ZBTB7C: variants seen among roughly 807,000 people sequenced by gnomAD.
ZBTB7C encodes the protein zinc finger and BTB domain-containing protein 7C.
Under a neutral mutation model 25.7 loss-of-function variants are expected in ZBTB7C, and 8 were observed. That is an observed-to-expected ratio of 0.31 (90% CI 0.18 to 0.56). The LOEUF (loss-of-function observed/expected upper bound fraction) is 0.56, where lower values mean the gene tolerates loss of function less well. Among genes scored for constraint, ZBTB7C ranks in the 20% least tolerant of loss-of-function variants. ZBTB7C has a pLI of 0.91. For synonymous variants in ZBTB7C, 394 were observed against 369.0 expected, an observed-to-expected ratio of 1.07 and a Z score of -0.78; for missense variants, 824 against 855.2, an observed-to-expected ratio of 0.96 and a Z score of 0.46.
At chr18:48,044,030 T>C (rs992932556) in intron 3 of ZBTB7C, among the ~76,000 whole-genome samples, 1 of 152,142 alleles carries the variant, frequency 6.6e-6, no homozygotes, top group Non-Finnish European at 1.5e-5. Context: ...TGGAGAACAG[T>C]GTACCAGGCT....
intron 2 of ZBTB7C, among the ~76,000 whole-genome samples, chr18:48,274,819 A>G (rs1307190100): frequency 6.6e-6 from 1 of 152,226 alleles, no homozygotes; most frequent in African/African-American, 2.4e-5. Context: ...GCTGATCTGC[A>G]GGCCAGGGCC....
At chr18:48,076,520 A>G (rs1378625692) in intron 3 of ZBTB7C, among the ~76,000 whole-genome samples, 2 of 152,196 alleles carry the variant, frequency 1.3e-5, no homozygotes, top group Non-Finnish European at 2.9e-5. Flanking sequence ...AGCAATTTTT[A>G]AATATCCAGG....
intron 2 of ZBTB7C, chr18:48,252,937 G>A (rs1238020282): frequency 6.6e-6 from 1 of 152,230 alleles, no homozygotes; most frequent in Non-Finnish European, 1.5e-5. Context: ...GGGAGATGAT[G>A]AATCCCAGTG....
At chr18:48,394,059 C>T (rs1298515027) in intron 1 of ZBTB7C, among the ~76,000 whole-genome samples, 1 of 152,160 alleles carries the variant, frequency 6.6e-6, no homozygotes, top group Non-Finnish European at 1.5e-5. Flanking sequence ...ACAGCCATTG[C>T]ACTTGAAAAC....
rs544863480 is a variant in ZBTB7C at position 48,374,603 on chromosome 18, G to A, written c.-304+34623C>T. ...TCTTCCCCAGAAGCCTCCACTCAGA[G>A]TTCTTGGCTCATTTCCACTGAGCCT... On this transcript the variant is annotated intron_variant, in intron 1 of 4. Transcript: ENST00000590800. 8.5e-5 allele frequency among the ~76,000 whole-genome samples: 13 copies of A among 152,294 alleles called. No individual in the cohort carries two copies. The South Asian group carries it at 2.7e-3, about 32-fold the overall frequency.
intron 3 of ZBTB7C, among the ~76,000 whole-genome samples, chr18:48,180,822 T>A (rs964956498): frequency 6.6e-6 from 1 of 152,218 alleles, no homozygotes; most frequent in Non-Finnish European, 1.5e-5. Flanking sequence ...TTATTATTAC[T>A]GCTTCTCTGT....
chr18:48,055,700 C>T (rs1378544224), intron 3 of ZBTB7C, among the ~76,000 whole-genome samples: 2 of 152,126 alleles, frequency 1.3e-5, no homozygotes, highest in Non-Finnish European at 2.9e-5. Flanking sequence ...ACTAGACTTT[C>T]CCGACCTAAA....
intron 2 of ZBTB7C, among the ~76,000 whole-genome samples, chr18:48,220,310 T>C (rs943077119): frequency 1.4e-4 from 21 of 152,192 alleles, no homozygotes; most frequent in Non-Finnish European, 2.1e-4. Context: ...CACCACTTTA[T>C]TGGGGCTGCA....
intron 1 of ZBTB7C, among the ~76,000 whole-genome samples, chr18:48,376,311 C>T (rs1299004284): frequency 6.6e-6 from 1 of 152,206 alleles, no homozygotes; most frequent in Non-Finnish European, 1.5e-5. Flanking sequence ...CTAGAGTCTG[C>T]GACAGAAAAG....
At chr18:48,410,172 G>A (rs1568432849), upstream of ZBTB7C, among the ~76,000 whole-genome samples, 1 of 152,194 alleles carries the variant, frequency 6.6e-6, no homozygotes, top group Non-Finnish European at 1.5e-5. Flanking sequence ...AAATGCTCTC[G>A]GCACTCCAGC....
chr18:48,116,630 T>C (rs1414649384), intron 3 of ZBTB7C, among the ~76,000 whole-genome samples: 1 of 152,010 alleles, frequency 6.6e-6, no homozygotes, highest in Non-Finnish European at 1.5e-5. Context: ...CACCCACGGC[T>C]CTCTTATATT....
At chr18:48,402,505 T>C (rs1015718781) in intron 1 of ZBTB7C, among the ~76,000 whole-genome samples, 2 of 152,104 alleles carry the variant, frequency 1.3e-5, no homozygotes, top group African/African-American at 4.8e-5. Context: ...CACAATGTGT[T>C]GGAAGGGGGG....
At chr18:48,224,393 G>A (rs1390694837) in intron 2 of ZBTB7C, among the ~76,000 whole-genome samples, 2 of 152,194 alleles carry the variant, frequency 1.3e-5, no homozygotes, top group African/African-American at 4.8e-5. Flanking sequence ...ATGAGCACAA[G>A]GAGCAGAGGA....
chr18:48,160,684 T>C (rs1024697068), intron 3 of ZBTB7C, among the ~76,000 whole-genome samples: 1 of 151,984 alleles, frequency 6.6e-6, no homozygotes, highest in African/African-American at 2.4e-5. Flanking sequence ...AACCTACCAA[T>C]CTCCCCCTTG....
chr18:48,363,055 A>C (rs2047145527), intron 1 of ZBTB7C, among the ~76,000 whole-genome samples: 1 of 152,202 alleles, frequency 6.6e-6, no homozygotes, highest in African/African-American at 2.4e-5. Flanking sequence ...TCCTCTTCAA[A>C]ACAATGGGGA....
At chr18:48,217,030 A>G (rs2042840577) in intron 2 of ZBTB7C, among the ~76,000 whole-genome samples, 1 of 152,174 alleles carries the variant, frequency 6.6e-6, no homozygotes, top group South Asian at 2.1e-4. Flanking sequence ...TGGGTGATGC[A>G]GCTGAAGCCA....
At chr18:48,137,850 G>A (rs1391990742) in intron 3 of ZBTB7C, among the ~76,000 whole-genome samples, 1 of 152,212 alleles carries the variant, frequency 6.6e-6, no homozygotes, top group East Asian at 1.9e-4. Context: ...ACCAATCACA[G>A]AGGTGTGGCC....
At chr18:48,109,592 A>G (rs1363464358) in intron 3 of ZBTB7C, among the ~76,000 whole-genome samples, 1 of 149,702 alleles carries the variant, frequency 6.7e-6, no homozygotes, top group African/African-American at 2.5e-5. Context: ...CAATATTATC[A>G]GGAAGGTGTT....
intron 2 of ZBTB7C, among the ~76,000 whole-genome samples, chr18:48,260,179 A>G (rs2044131519): frequency 6.6e-6 from 1 of 152,276 alleles, no homozygotes; most frequent in South Asian, 2.1e-4. Flanking sequence ...TGAACTACTG[A>G]TACATGCAAC....
Sources: allele counts gnomAD v4.1 joint callset (sites outside exome capture counted in the v4.1 genomes callset), GRCh38; gene constraint gnomAD v4.1.1; transcripts MANE v1.5; gene names NCBI Gene and HGNC (gene_info 2026-07-23, HGNC 2026-07-21).